PRR5L: variants seen among roughly 807,000 people sequenced by gnomAD.
PRR5L encodes the protein proline rich 5 like.
Under a neutral mutation model 36.4 loss-of-function variants are expected in PRR5L, and 21 were observed. That is an observed-to-expected ratio of 0.58 (90% CI 0.41 to 0.83). The LOEUF is 0.83. Among genes scored for constraint, PRR5L ranks in the 40% least tolerant of loss-of-function variants. The pLI is 0.00. For synonymous variants in PRR5L, 188 were observed against 197.0 expected (o/e 0.95, Z 0.38); for missense variants, 381 against 473.3 (o/e 0.80, Z 1.81).
At chr11:36,448,586 A>G (rs564538800) in intron 7 of PRR5L, among the ~76,000 whole-genome samples, 13 of 152,250 alleles carry the variant, frequency 8.5e-5, no homozygotes, top group African/African-American at 2.2e-4. Context: ...TTGGCACATA[A>G]TAGGTATTAA....
intron 1 of PRR5L, among the ~76,000 whole-genome samples, chr11:36,374,339 C>G (rs1253755204): frequency 6.6e-6 from 1 of 151,868 alleles, no homozygotes; most frequent in Non-Finnish European, 1.5e-5. Flanking sequence ...GTGATCTATC[C>G]GCCTCAGCCT....
intron 1 of PRR5L, among the ~76,000 whole-genome samples, chr11:36,363,708 C>T (rs1051983429): frequency 1.3e-5 from 2 of 152,194 alleles, no homozygotes; most frequent in African/African-American, 4.8e-5. Flanking sequence ...CTTTACCTAC[C>T]AGTCTTTCTG....
At chr11:36,413,543 A>G (rs542071903) in intron 3 of PRR5L, among the ~76,000 whole-genome samples, 97 of 152,218 alleles carry the variant, frequency 6.4e-4, no homozygotes, top group African/African-American at 2.2e-3. Flanking sequence ...CCACCCCTGT[A>G]TCCCAGAAAC....
chr11:36,424,884 C>T (rs1590573049), intron 4 of PRR5L, among the ~76,000 whole-genome samples: 2 of 152,014 alleles, frequency 1.3e-5, no homozygotes, highest in African/African-American at 2.4e-5. Context: ...TGCAATGGCA[C>T]GATCTTGGCT....
chr11:36,348,769 A>T (rs1006353126), intron 1 of PRR5L, among the ~76,000 whole-genome samples: 3 of 152,210 alleles, frequency 2.0e-5, no homozygotes, highest in Non-Finnish European at 4.4e-5. Flanking sequence ...ACAGATAATC[A>T]ATATTGAATG....
chr11:36,351,218 A>ATATATATATT (rs1474637146), intron 1 of PRR5L, among the ~76,000 whole-genome samples: 1 of 91,170 alleles, frequency 1.1e-5, no homozygotes, highest in Non-Finnish European at 1.8e-5. Context: ...AAATATATAA[A>ATATATATATT]TATATATATT....
At chr11:36,436,782 G>C (rs888238270) in intron 5 of PRR5L, among the ~76,000 whole-genome samples, 14 of 152,210 alleles carry the variant, frequency 9.2e-5, no homozygotes, top group Non-Finnish European at 1.9e-4. Context: ...GGGGCAGTTA[G>C]TTGGCCTCTC....
At chr11:36,440,208 A>G (rs1192577317) in intron 6 of PRR5L, among the ~76,000 whole-genome samples, 2 of 152,140 alleles carry the variant, frequency 1.3e-5, no homozygotes, top group Non-Finnish European at 2.9e-5. Flanking sequence ...GGAACCAGCG[A>G]GGAGTTCTGA....
chr11:36,432,990 T>C (rs1590584543), intron 5 of PRR5L, among the ~76,000 whole-genome samples: 1 of 152,132 alleles, frequency 6.6e-6, no homozygotes, highest in Non-Finnish European at 1.5e-5. Context: ...CATTTGAGAG[T>C]TGGCTGAACC....
chr11:36,387,927 T>C (rs750876353), intron 1 of PRR5L, among the ~76,000 whole-genome samples: 93 of 87,812 alleles, frequency 1.1e-3, no homozygotes, highest in Non-Finnish European at 1.3e-3. Flanking sequence ...AATTTGGATT[T>C]TTGGACTTTC....
At position 36,403,204 on chromosome 11, in the gene PRR5L, C is replaced by T. The variant is rs1857834792; in HGVS notation, c.165-94C>T. On this transcript the variant is annotated intron_variant, in intron 2 of 8. Transcript: ENST00000530639. ...GTGGCCAGGTTTGTGCTATGAGCTT[C>T]CTGGTCACTCCACACACCTTCAGCC... 7 of 1,016,544 alleles carry T rather than the reference C, an allele frequency of 6.9e-6. No individual in the cohort carries two copies. The South Asian group carries it at 8.4e-5, about 12-fold the overall frequency. The allele number at this position is 1,016,544 out of a possible 1,614,324, so 63.0% of individuals were successfully genotyped here.
chr11:36,390,465 C>T (rs1259244683), intron 1 of PRR5L, among the ~76,000 whole-genome samples: 4 of 152,140 alleles, frequency 2.6e-5, no homozygotes, highest in African/African-American at 7.2e-5. Context: ...GTGACATAAG[C>T]GTTGTGGGCT....
intron 8 of PRR5L, among the ~76,000 whole-genome samples, chr11:36,457,754 C>T (rs562318276): frequency 2.6e-5 from 4 of 152,328 alleles, no homozygotes; most frequent in African/African-American, 9.6e-5. Context: ...GAGGCCCAGA[C>T]ATCTGCATGA....
At chr11:36,309,702 G>A (rs1856478008) in intron 1 of PRR5L, among the ~76,000 whole-genome samples, 1 of 128,058 alleles carries the variant, frequency 7.8e-6, no homozygotes, top group African/African-American at 3.0e-5. Flanking sequence ...ATGTTTCCTT[G>A]TCTTCTCTTT....
At chr11:36,311,733 G>A (rs1192569143) in intron 1 of PRR5L, among the ~76,000 whole-genome samples, 1 of 152,098 alleles carries the variant, frequency 6.6e-6, no homozygotes, top group African/African-American at 2.4e-5. Context: ...TACTCTGAGA[G>A]CTTTTAGTGG....
intron 1 of PRR5L, among the ~76,000 whole-genome samples, chr11:36,385,627 A>G (rs1323268976): frequency 6.6e-6 from 1 of 152,216 alleles, no homozygotes; most frequent in African/African-American, 2.4e-5. Context: ...AGCGCCTGAG[A>G]AAGTTGTCTC....
At chr11:36,341,536 C>T (rs1410155201) in intron 1 of PRR5L, among the ~76,000 whole-genome samples, 1 of 152,132 alleles carries the variant, frequency 6.6e-6, no homozygotes, top group Non-Finnish European at 1.5e-5. Flanking sequence ...CTATCTGGAG[C>T]TCAATGGGAC....
chr11:36,451,234 G>C lies in PRR5L; in HGVS notation c.611G>C (p.Ser204Thr). Residue 204 changes from serine to threonine, a missense_variant, in exon 8 of 9, where the codon AGT becomes ACT. Transcript: ENST00000530639. ...AGTGTTCACGAGCCCACAGGCCCAA[G>C]TGAGAGTTATTTGCAACTGGAGGAG... is the stretch of plus-strand genomic sequence containing the variant. ...LQSVHEPTGPSESYLQLEELV... is the reference protein window; with the variant it reads ...LQSVHEPTGPTESYLQLEELV... 1 of 1,614,212 alleles carries C rather than the reference G, an allele frequency of 6.2e-7. No individual in the cohort carries two copies. The highest frequency in any genetic ancestry group is 8.5e-7 in the Non-Finnish European group (1 of 1,180,032).
intron 8 of PRR5L, among the ~76,000 whole-genome samples, chr11:36,456,124 G>T (rs115644491): frequency 0.027 from 4,168 of 152,284 alleles, 133 homozygotes; most frequent in African/African-American, 0.079. Context: ...GCTGAGCACA[G>T]AGGCCCTGTC....
Sources: gnomAD v4.1 joint callset for allele counts (sites outside exome capture counted in the v4.1 genomes callset) on GRCh38, gnomAD v4.1.1 for gene constraint, MANE v1.5 for transcripts, NCBI Gene and HGNC (gene_info 2026-07-23, HGNC 2026-07-21) for gene names.